PARD3B: variants seen among roughly 807,000 people sequenced by gnomAD.
The protein encoded by PARD3B is par-3 family cell polarity regulator beta.
PARD3B carries 103 observed loss-of-function variants against 130.2 expected under a neutral mutation model. That is an observed-to-expected ratio of 0.79 (90% CI 0.67 to 0.93). The LOEUF (loss-of-function observed/expected upper bound fraction) is 0.93, where lower values mean the gene tolerates loss of function less well. Among genes scored for constraint, PARD3B ranks in the 40% least tolerant of loss-of-function variants. The probability of loss-of-function intolerance (pLI) is 0.00; values close to 1 mark genes in which losing one functional copy is unlikely to be tolerated. For missense variants in PARD3B, 1,609 were observed against 1,499.2 expected (o/e 1.07, Z -1.21); for synonymous variants, 583 against 553.2 (o/e 1.05, Z -0.76).
intron 2 of PARD3B, among the ~76,000 whole-genome samples, chr2:204,926,491 C>A (rs1207683366): frequency 1.3e-5 from 2 of 152,042 alleles, no homozygotes; most frequent in Admixed American, 1.3e-4. Context: ...CTAATTAAGT[C>A]CCAATTCTAA....
chr2:205,430,701 A>G (rs895497841), intron 19 of PARD3B, among the ~76,000 whole-genome samples: 1 of 152,250 alleles, frequency 6.6e-6, no homozygotes, highest in Non-Finnish European at 1.5e-5. Flanking sequence ...GGGACCAACT[A>G]CAGGAAGATC....
At chr2:205,213,809 AAAG>A (rs2037771677) in intron 15 of PARD3B, among the ~76,000 whole-genome samples, 1 of 152,264 alleles carries the variant, frequency 6.6e-6, no homozygotes, top group East Asian at 1.9e-4. Flanking sequence ...CACAGGAAAT[AAAG>A]AAGGTCAAAG....
At chr2:204,997,227 G>A (rs1219274571) in intron 3 of PARD3B, among the ~76,000 whole-genome samples, 1 of 152,138 alleles carries the variant, frequency 6.6e-6, no homozygotes, top group African/African-American at 2.4e-5. Context: ...GCTGTTCTTG[G>A]CCCTTTGTTC....
chr2:204,728,198 G>A (rs2039326217), intron 2 of PARD3B, among the ~76,000 whole-genome samples: 1 of 152,088 alleles, frequency 6.6e-6, no homozygotes, highest in Admixed American at 6.6e-5. Flanking sequence ...GGGCAGTTAG[G>A]ATTTCATTTT....
chr2:205,117,182 C>A (rs972324193), intron 6 of PARD3B, among the ~76,000 whole-genome samples: 1 of 152,134 alleles, frequency 6.6e-6, no homozygotes, highest in Non-Finnish European at 1.5e-5. Context: ...AGGGAAAAAA[C>A]CCATAAGTTT....
intron 1 of PARD3B, among the ~76,000 whole-genome samples, chr2:204,580,032 A>G (rs2032471651): frequency 6.6e-6 from 1 of 152,176 alleles, no homozygotes; most frequent in Non-Finnish European, 1.5e-5. Flanking sequence ...AAAAGAATTC[A>G]TTTCCATCCC....
chr2:204,643,058 G>A (rs1042750344), intron 1 of PARD3B, among the ~76,000 whole-genome samples: 17 of 132,646 alleles, frequency 1.3e-4, no homozygotes, highest in Admixed American at 1.0e-3. Flanking sequence ...AGATTGCAGT[G>A]AGCCGAGATC....
At chr2:205,249,117 C>G (rs1171053271) in intron 16 of PARD3B, among the ~76,000 whole-genome samples, 1 of 145,070 alleles carries the variant, frequency 6.9e-6, no homozygotes, top group Admixed American at 7.0e-5. Flanking sequence ...TCAAGCAATT[C>G]TCCTGCCTCA....
chr2:205,162,021 G>T (rs2034536026), intron 11 of PARD3B, among the ~76,000 whole-genome samples: 1 of 152,076 alleles, frequency 6.6e-6, no homozygotes, highest in South Asian at 2.1e-4. Flanking sequence ...GCATTGCTTT[G>T]TTTTGTTTTG....
At chr2:205,380,318 ATATT>A (rs1412185816) in intron 18 of PARD3B, among the ~76,000 whole-genome samples, 1 of 20,724 alleles carries the variant, frequency 4.8e-5, no homozygotes, top group East Asian at 8.5e-4. Context: ...TAAAGAATAT[ATATT>A]ATATATAATA....
chr2:204,552,323 G>A (rs1369595149), intron 1 of PARD3B, among the ~76,000 whole-genome samples: 1 of 152,096 alleles, frequency 6.6e-6, no homozygotes, highest in East Asian at 1.9e-4. Flanking sequence ...GGGTTTGAGA[G>A]TAAGCCCAGG....
intron 2 of PARD3B, among the ~76,000 whole-genome samples, chr2:204,729,998 AACACACACACACAC>A (rs3036396): frequency 1.3e-4 from 19 of 141,366 alleles, no homozygotes; most frequent in African/African-American, 2.1e-4. Context: ...CACACACACA[AACACACACACACAC>A]ACACACACAC....
At chr2:204,915,609 A>C (rs564695862) in intron 2 of PARD3B, among the ~76,000 whole-genome samples, 15 of 152,296 alleles carry the variant, frequency 9.8e-5, no homozygotes, top group African/African-American at 3.4e-4. Flanking sequence ...CCATGGAAAA[A>C]ACCTACAAGT....
At chr2:204,676,566 C>CTGTA (rs1466675127) in intron 1 of PARD3B, among the ~76,000 whole-genome samples, 1 of 151,938 alleles carries the variant, frequency 6.6e-6, no homozygotes, top group East Asian at 1.9e-4. Flanking sequence ...ACGTCTTATC[C>CTGTA]TGTAGCATCC....
intron 18 of PARD3B, among the ~76,000 whole-genome samples, chr2:205,369,242 G>A (rs2044722797): frequency 1.3e-5 from 2 of 152,158 alleles, no homozygotes; most frequent in South Asian, 4.2e-4. Context: ...TGTGAGTGAG[G>A]ATTTTACTCA....
At chr2:204,584,129 C>G (rs957317607) in intron 1 of PARD3B, among the ~76,000 whole-genome samples, 2 of 152,170 alleles carry the variant, frequency 1.3e-5, no homozygotes, top group African/African-American at 4.8e-5. Context: ...GATGAATTTA[C>G]CAATCTTAGT....
intron 2 of PARD3B, among the ~76,000 whole-genome samples, chr2:204,846,790 T>A: frequency 6.6e-6 from 1 of 151,660 alleles, no homozygotes; most frequent in East Asian, 1.9e-4. Context: ...TGCCTTCTTG[T>A]TGAGAAAAAA....
chr2:204,666,190 G>A (rs958367377), intron 1 of PARD3B, among the ~76,000 whole-genome samples: 1 of 152,048 alleles, frequency 6.6e-6, no homozygotes, highest in Non-Finnish European at 1.5e-5. Context: ...AAACAAATAA[G>A]CAACTAATCA....
Position 205,563,998 on chromosome 2 carries a change from T to G in PARD3B, c.3260+10595T>G, listed in dbSNP as rs889445541. ...GCTCCAAGAACTCTGGCAAGTACTT[T>G]AAATATGTCACCTCATTTATTTCCT... On this transcript the variant is annotated intron_variant, in intron 22 of 22. Coordinates refer to ENST00000406610, the MANE Select transcript of PARD3B (RefSeq NM_001302769.2). This position sits in a 1 kb window ranked among gnomAD's most constrained non-coding sequence, Gnocchi z 4.2. 6.6e-6 allele frequency among the ~76,000 whole-genome samples: 1 copy of G among 152,232 alleles called. No homozygotes were observed. Among genetic ancestry groups the G allele is most frequent in the Non-Finnish European group, 1.5e-5 (1 of 68,046 alleles).
Sources: allele counts gnomAD v4.1 joint callset (sites outside exome capture counted in the v4.1 genomes callset), GRCh38; gene constraint gnomAD v4.1.1; non-coding constraint Gnocchi (gnomAD v3.1); transcripts MANE v1.5; gene names NCBI Gene and HGNC (gene_info 2026-07-23, HGNC 2026-07-21).